Variants in ZFAND3 observed in about 807,000 individuals in gnomAD.
The protein encoded by ZFAND3 is AN1-type zinc finger protein 3.
A neutral mutation model predicts 29.6 loss-of-function variants in ZFAND3; 10 were observed. The ratio of observed to expected loss-of-function variants is 0.34; its 90% CI spans 0.21 to 0.57. The LOEUF (loss-of-function observed/expected upper bound fraction) is 0.57, where lower values mean the gene tolerates loss of function less well. Among genes scored for constraint, ZFAND3 ranks in the 20% least tolerant of loss-of-function variants. The pLI is 0.86. For synonymous variants in ZFAND3, 128 were observed against 112.6 expected (o/e 1.14, Z -0.87); for missense variants, 230 against 304.5 (o/e 0.76, Z 1.82).
At chr6:38,024,778 A>G (rs1763416463) in intron 2 of ZFAND3, among the ~76,000 whole-genome samples, 1 of 152,242 alleles carries the variant, frequency 6.6e-6, no homozygotes, top group African/African-American at 2.4e-5. Context: ...AGGTAGACTC[A>G]GATTGGTGGT....
At chr6:38,139,586 G>C (rs566693992) in intron 5 of ZFAND3, among the ~76,000 whole-genome samples, 1 of 152,250 alleles carries the variant, frequency 6.6e-6, no homozygotes, top group Non-Finnish European at 1.5e-5. Context: ...GAATGCAAGG[G>C]AGTAAATGGC....
rs58560520 is a variant in ZFAND3, at chr6:38,030,051, GATATATATATATATATATATATAT to G, written c.113-31514_113-31491del. Among the ~76,000 whole-genome samples the G allele has an allele frequency of 2.4e-3, 226 of 94,982 alleles. 3 individuals carry two copies. Among genetic ancestry groups the G allele is most frequent in the East Asian group, 0.021 (43 of 2,066 alleles). 62.3% of individuals were successfully genotyped at this position (94,982 alleles called of 152,430 possible). A position where few individuals can be genotyped will look rare whatever the true frequency, so the allele number is the denominator to read the frequency against. ...CATTTCTTGTTATGTAGTTCTGCTG[GATATATATATATATATATATATAT>G]ATATATATATATATATATATATATA... On this transcript the variant is annotated intron_variant, in intron 2 of 5. Coordinates refer to ENST00000287218, the MANE Select transcript of ZFAND3 (RefSeq NM_021943.3).
In ZFAND3 at chr6:37,847,314, G is replaced by A. The variant is rs547541735; in HGVS notation, c.71+27298G>A. Among the ~76,000 whole-genome samples the A allele has an allele frequency of 5.3e-5, 8 of 152,130 alleles. No individual in the cohort carries two copies. In the South Asian group the frequency reaches 1.2e-3, roughly 24 times the overall value. On this transcript the variant is annotated intron_variant, in intron 1 of 5. Transcript: ENST00000287218. ...CAATCGGCCGGGTGTGGTTGCTCCC[G>A]CCTGTAATCCCAGCACTATGGGAGG... is the stretch of plus-strand genomic sequence containing the variant.
intron 4 of ZFAND3, among the ~76,000 whole-genome samples, chr6:38,099,362 A>C (rs956038084): frequency 1.3e-5 from 2 of 152,156 alleles, no homozygotes; most frequent in Non-Finnish European, 2.9e-5. Flanking sequence ...CCAGCCTCCC[A>C]CTATATATGT....
intron 5 of ZFAND3, among the ~76,000 whole-genome samples, chr6:38,143,446 G>A (rs1411456324): frequency 6.6e-6 from 1 of 152,242 alleles, no homozygotes; most frequent in Non-Finnish European, 1.5e-5. Context: ...TGCCTTATGA[G>A]TTCTTTGCAC....
At chr6:38,004,261 G>A (rs1763004324) in intron 2 of ZFAND3, among the ~76,000 whole-genome samples, 1 of 152,146 alleles carries the variant, frequency 6.6e-6, no homozygotes, top group Non-Finnish European at 1.5e-5. Context: ...TTTTGAAGGT[G>A]ATTTCTGATA....
At chr6:38,150,359 C>A (rs1292609038) in intron 5 of ZFAND3, among the ~76,000 whole-genome samples, 2 of 152,310 alleles carry the variant, frequency 1.3e-5, no homozygotes, top group Middle Eastern at 3.4e-3. Context: ...AATGTTTCCT[C>A]ACACAATGGA....
intron 1 of ZFAND3, among the ~76,000 whole-genome samples, chr6:37,922,019 A>G (rs1761390786): frequency 6.6e-6 from 1 of 151,654 alleles, no homozygotes; most frequent in African/African-American, 2.4e-5. Context: ...AGCCGAGATC[A>G]CACCACTGCA....
In ZFAND3 at chr6:38,154,584, T is replaced by C; in HGVS notation, c.*2195T>C. Reference sequence around the variant, plus strand: ...AAAGAATCTTGTAACTTTATTCTTTTTTCTCCTGCTGAAAAAAAAAATTAA... The same window carrying C: ...AAAGAATCTTGTAACTTTATTCTTTCTTCTCCTGCTGAAAAAAAAAATTAA... On this transcript the variant is annotated 3_prime_UTR_variant, in exon 6 of 6. Transcript: ENST00000287218. 1.0e-6 allele frequency: 1 copy of C among 971,464 alleles called. No individual in the cohort carries two copies. Among genetic ancestry groups the C allele is most frequent in the Non-Finnish European group, 1.2e-6 (1 of 816,782 alleles). 60.2% of individuals were successfully genotyped at this position (971,464 alleles called of 1,614,324 possible).
At chr6:37,846,714 T>TTG (rs1554148346) in intron 1 of ZFAND3, among the ~76,000 whole-genome samples, 3 of 151,722 alleles carry the variant, frequency 2.0e-5, no homozygotes, top group Non-Finnish European at 4.4e-5. Context: ...ATTTTTTTTT[T>TTG]TTTGTTTTTT....
intron 2 of ZFAND3, among the ~76,000 whole-genome samples, chr6:38,041,681 T>TCTTCTTCTCCTTCTC (rs1561976775): frequency 1.5e-4 from 2 of 13,738 alleles, no homozygotes; most frequent in African/African-American, 2.2e-4. Flanking sequence ...TTCTTCTTCT[T>TCTTCTTCTCCTTCTC]CTTCTCCTTC....
At chr6:38,141,739 G>A (rs1418132940) in intron 5 of ZFAND3, among the ~76,000 whole-genome samples, 1 of 152,184 alleles carries the variant, frequency 6.6e-6, no homozygotes, top group Non-Finnish European at 1.5e-5. Flanking sequence ...AGCAAGTGGG[G>A]CAGAAAAAAT....
chr6:37,893,315 C>T (rs1019762057), intron 1 of ZFAND3, among the ~76,000 whole-genome samples: 1 of 152,234 alleles, frequency 6.6e-6, no homozygotes, highest in East Asian at 1.9e-4. Flanking sequence ...AATACATCAA[C>T]AGAATGAAAA....
intron 5 of ZFAND3, among the ~76,000 whole-genome samples, chr6:38,150,205 G>A (rs968162709): frequency 6.6e-6 from 1 of 152,162 alleles, no homozygotes; most frequent in African/African-American, 2.4e-5. Context: ...TAACACATGA[G>A]CTCATTAATC....
At chr6:37,973,899 A>G (rs1762432525) in intron 2 of ZFAND3, among the ~76,000 whole-genome samples, 1 of 152,184 alleles carries the variant, frequency 6.6e-6, no homozygotes, top group Non-Finnish European at 1.5e-5. Context: ...AGTGGCCAGT[A>G]TATTGTGTTG....
At position 38,061,669 on chromosome 6, in the gene ZFAND3, G is replaced by C; in HGVS notation, c.189G>C (p.Glu63Asp). 1 of 1,614,162 alleles carries C rather than the reference G, an allele frequency of 6.2e-7. No individual in the cohort carries two copies. Among genetic ancestry groups the C allele is most frequent in the Non-Finnish European group, 8.5e-7 (1 of 1,180,020 alleles). The change falls in exon 3 of 6, where the codon GAG becomes GAC. Residue 63 changes from glutamate (E) to aspartate (D), a missense_variant. Around this residue, in one of 2 missense-constraint regions of ZFAND3, gnomAD observed 180 missense variants for 202.5 expected, o/e 0.89. Transcript: ENST00000287218. ...GCCAATCAGATTTGTTTTCCGAAGA[G>C]ACCACCAGTGACAACAACAATACCT... ...SNSQSDLFSE[E>D]TTSDNNNTSI...
chr6:38,113,768 C>T (rs1192435272), intron 4 of ZFAND3, among the ~76,000 whole-genome samples: 1 of 152,180 alleles, frequency 6.6e-6, no homozygotes, highest in African/African-American at 2.4e-5. Flanking sequence ...ATAATATTGC[C>T]ACACTGAAAT....
At chr6:38,015,360 A>G (rs1488331850) in intron 2 of ZFAND3, among the ~76,000 whole-genome samples, 1 of 152,186 alleles carries the variant, frequency 6.6e-6, no homozygotes, top group African/African-American at 2.4e-5. Context: ...GGGCTCTGCT[A>G]TTGGTGGGTG....
At chr6:37,865,911 C>A (rs1453869671) in intron 1 of ZFAND3, among the ~76,000 whole-genome samples, 1 of 152,196 alleles carries the variant, frequency 6.6e-6, no homozygotes. Flanking sequence ...ACCCTTCAGT[C>A]TTCCTGCATC....
Sources: gnomAD v4.1 joint callset for allele counts (sites outside exome capture counted in the v4.1 genomes callset) on GRCh38, gnomAD v4.1.1 for gene constraint, gnomAD v4.1.1 regional missense constraint, MANE v1.5 for transcripts, NCBI Gene and HGNC (gene_info 2026-07-23, HGNC 2026-07-21) for gene names.